Variants in CTNND2 observed in about 807,000 individuals in gnomAD.
CTNND2 encodes the protein catenin delta 2.
A neutral mutation model predicts 144.4 loss-of-function variants in CTNND2; 22 were observed. The ratio of observed to expected loss-of-function variants is 0.15; its 90% CI spans 0.11 to 0.22. CTNND2 has a LOEUF of 0.22. Among genes scored for constraint, CTNND2 ranks in the 10% least tolerant of loss-of-function variants. The pLI is 1.00. For missense variants in CTNND2, 1,353 were observed against 1,618.8 expected (o/e 0.84, Z 2.82); for synonymous variants, 751 against 695.6 (o/e 1.08, Z -1.25).
At chr5:11,278,301 TG>T (rs1438061003) in intron 9 of CTNND2, among the ~76,000 whole-genome samples, 1 of 152,228 alleles carries the variant, frequency 6.6e-6, no homozygotes, top group Non-Finnish European at 1.5e-5. Context: ...GCTTCCTCAC[TG>T]GGCTTCTTTT....
intron 15 of CTNND2, among the ~76,000 whole-genome samples, chr5:11,098,158 G>A (rs1751537378): frequency 6.6e-6 from 1 of 151,916 alleles, no homozygotes; most frequent in Non-Finnish European, 1.5e-5. Context: ...TTTCTTTTGG[G>A]GCTGGGACCC....
chr5:11,264,871 C>T (rs922044547), intron 9 of CTNND2, among the ~76,000 whole-genome samples: 2 of 152,078 alleles, frequency 1.3e-5, no homozygotes, highest in Admixed American at 6.6e-5. Context: ...GCGGAGGTTG[C>T]AGTGAGCCAA....
At chr5:11,137,265 T>C (rs1268565027) in intron 12 of CTNND2, among the ~76,000 whole-genome samples, 1 of 152,194 alleles carries the variant, frequency 6.6e-6, no homozygotes, top group African/African-American at 2.4e-5. Context: ...GACATCCCAA[T>C]TTTATTGGGA....
At chr5:11,772,641 T>C (rs370473741) in intron 1 of CTNND2, among the ~76,000 whole-genome samples, 1 of 152,338 alleles carries the variant, frequency 6.6e-6, no homozygotes, top group South Asian at 2.1e-4. Flanking sequence ...GGTAAATCCC[T>C]TTTAATTTCA....
intron 3 of CTNND2, among the ~76,000 whole-genome samples, chr5:11,561,161 C>G (rs543111782): frequency 6.6e-6 from 1 of 152,140 alleles, no homozygotes; most frequent in African/African-American, 2.4e-5. Context: ...TGGCTACTAC[C>G]AAGAGGGACT....
At chr5:11,835,328 G>A (rs540957549) in intron 1 of CTNND2, among the ~76,000 whole-genome samples, 207 of 152,242 alleles carry the variant, frequency 1.4e-3, no homozygotes, top group African/African-American at 4.5e-3. Flanking sequence ...AATGAGTTGG[G>A]AAATATTTCC....
In CTNND2 at chr5:11,903,808, G is replaced by C; in HGVS notation, c.37+9C>G. The C allele has an allele frequency of 6.8e-7, 1 of 1,481,120 alleles. No individual in the cohort carries two copies. Among genetic ancestry groups the C allele is most frequent in the South Asian group, 1.3e-5 (1 of 79,030 alleles). 91.7% of individuals were successfully genotyped at this position (1,481,120 alleles called of 1,614,324 possible). A position where few individuals can be genotyped will look rare whatever the true frequency, so the allele number is the denominator to read the frequency against. On this transcript the variant is annotated intron_variant, in intron 1 of 21. Coordinates refer to ENST00000304623, the MANE Select transcript of CTNND2 (RefSeq NM_001332.4). This position sits in a 1 kb window ranked among gnomAD's most constrained non-coding sequence, Gnocchi z 5.4. ...CGCCCGGCCCCGGCCGCCCAGCCCC[G>C]CAACTCACCCAAAGGCGCGGCGCCC...
rs1269444918 is a variant in CTNND2, at chr5:11,417,349, ACTC to A, written c.288-5283_288-5281del. On this transcript the variant is annotated intron_variant, in intron 3 of 21. Coordinates refer to ENST00000304623, the MANE Select transcript of CTNND2 (RefSeq NM_001332.4). ...AAGTAAAACCTTATGTGACTAAAAA[ACTC>A]CTACCAGAAACCAAGTTGTAAAATA... Among the ~76,000 whole-genome samples the A allele has an allele frequency of 2.0e-5, 3 of 152,080 alleles. No homozygotes were observed. The East Asian group carries it at 5.8e-4, about 29-fold the overall frequency.
intron 9 of CTNND2, among the ~76,000 whole-genome samples, chr5:11,332,575 C>G (rs576029794): frequency 1.3e-5 from 2 of 152,292 alleles, no homozygotes; most frequent in African/African-American, 4.8e-5. Context: ...GCCATCATCA[C>G]TAACCATCTC....
At chr5:11,230,852 A>G (rs1048946511) in intron 10 of CTNND2, among the ~76,000 whole-genome samples, 1 of 152,160 alleles carries the variant, frequency 6.6e-6, no homozygotes, top group African/African-American at 2.4e-5. Context: ...GGATCAGAGA[A>G]CTCAGTGGAA....
intron 1 of CTNND2, among the ~76,000 whole-genome samples, chr5:11,877,882 A>G (rs1462221773): frequency 6.6e-6 from 1 of 152,194 alleles, no homozygotes; most frequent in African/African-American, 2.4e-5. Context: ...CAAATTATTA[A>G]CATCAAGTTT....
chr5:11,250,485 C>CTATA lies in CTNND2; in HGVS notation c.1629-13663_1629-13662insTATA, dbSNP rs1447839836. Among the ~76,000 whole-genome samples the CTATA allele has an allele frequency of 7.6e-3, 511 of 67,642 alleles. 3 individuals carry two copies. Among genetic ancestry groups the CTATA allele is most frequent in the African/African-American group, 0.015 (188 of 12,466 alleles). The allele number at this position is 67,642 out of a possible 152,430, so 44.4% of individuals were successfully genotyped here. A position where few individuals can be genotyped will look rare whatever the true frequency, so the allele number is the denominator to read the frequency against. Reference sequence around the variant, plus strand: ...TCTCTCTCTCTCTCTCTCTCTCTCTCTCTCTCTATATATATATATATATAT... The same window carrying CTATA: ...TCTCTCTCTCTCTCTCTCTCTCTCTCTATATCTCTCTATATATATATATATATAT... On this transcript the variant is annotated intron_variant, in intron 9 of 21. Transcript: ENST00000304623.
intron 3 of CTNND2, among the ~76,000 whole-genome samples, chr5:11,550,493 A>G (rs1397871467): frequency 6.6e-6 from 1 of 152,248 alleles, no homozygotes; most frequent in Non-Finnish European, 1.5e-5. Flanking sequence ...GAAAGTTGGC[A>G]GTCAATGCCT....
rs369577743 is a variant in CTNND2, at chr5:11,276,809, G to A, written c.1629-39986C>T. 6.8e-4 allele frequency among the ~76,000 whole-genome samples: 104 copies of A among 152,264 alleles called. 1 individual carries two copies. Among genetic ancestry groups the A allele is most frequent in the East Asian group, 6.6e-3 (34 of 5,176 alleles). On this transcript the variant is annotated intron_variant, in intron 9 of 21. Coordinates refer to ENST00000304623, the MANE Select transcript of CTNND2 (RefSeq NM_001332.4). ...TTCGTGACATGAGCACACACAGAGA[G>A]GAAGGCCACGTGAAGATGGAGGTGG...
intron 16 of CTNND2, among the ~76,000 whole-genome samples, chr5:11,061,716 CT>C (rs562338338): frequency 2.2e-4 from 32 of 148,600 alleles, no homozygotes; most frequent in East Asian, 9.8e-4. Flanking sequence ...TTTTCTTTCT[CT>C]TTTTTTTTTA....
In CTNND2 at chr5:11,276,869, C is replaced by A. The variant is rs180882733; in HGVS notation, c.1629-40046G>T. 1.6e-4 allele frequency among the ~76,000 whole-genome samples: 24 copies of A among 152,186 alleles called. No individual in the cohort carries two copies. In the Middle Eastern group the frequency reaches 0.01, roughly 65 times the overall value. ...TGGTGAGGCCACAAACCAAGGAAAGCCAGGGGCCACTGGAAACTAAAAGAA... is the reference window on the plus strand; with the variant it reads ...TGGTGAGGCCACAAACCAAGGAAAGACAGGGGCCACTGGAAACTAAAAGAA... On this transcript the variant is annotated intron_variant, in intron 9 of 21. Coordinates refer to ENST00000304623, the MANE Select transcript of CTNND2 (RefSeq NM_001332.4).
chr5:11,020,156 A>G (rs1742086711), intron 17 of CTNND2, among the ~76,000 whole-genome samples: 1 of 152,124 alleles, frequency 6.6e-6, no homozygotes, highest in Non-Finnish European at 1.5e-5. Context: ...AGACGCTGTG[A>G]GTTGTGCAGT....
chr5:11,761,701 T>C (rs1789272648), intron 1 of CTNND2, among the ~76,000 whole-genome samples: 1 of 152,052 alleles, frequency 6.6e-6, no homozygotes, highest in African/African-American at 2.4e-5. Context: ...ATGAAGCTTG[T>C]GTGAATACAG....
intron 3 of CTNND2, among the ~76,000 whole-genome samples, chr5:11,550,671 A>C (rs1176764291): frequency 2.0e-5 from 3 of 152,212 alleles, no homozygotes; most frequent in African/African-American, 7.2e-5. Context: ...ACTGTCAACT[A>C]ATTAGGCGAC....
Sources: gnomAD v4.1 joint callset for allele counts (sites outside exome capture counted in the v4.1 genomes callset) on GRCh38, gnomAD v4.1.1 for gene constraint, Gnocchi (gnomAD v3.1) non-coding constraint, MANE v1.5 for transcripts, NCBI Gene and HGNC (gene_info 2026-07-23, HGNC 2026-07-21) for gene names.